Variants in TNRC6C observed in about 807,000 individuals in gnomAD.
TNRC6C encodes trinucleotide repeat-containing gene 6C protein.
TNRC6C carries 20 observed loss-of-function variants against 153.7 expected under a neutral mutation model. The observed-to-expected ratio is 0.13, with a 90% CI of 0.09 to 0.19. The LOEUF (loss-of-function observed/expected upper bound fraction) is 0.19, where lower values mean the gene tolerates loss of function less well. Ranked by LOEUF, TNRC6C falls within the 10% of genes least tolerant of loss-of-function variation. The probability of loss-of-function intolerance (pLI) is 1.00; values close to 1 mark genes in which losing one functional copy is unlikely to be tolerated. For missense variants in TNRC6C, 1,987 were observed against 2,172.0 expected (o/e 0.91, Z 1.69); for synonymous variants, 811 against 841.4 (o/e 0.96, Z 0.63).
rs1472879908 is a variant in TNRC6C at position 78,092,940 on chromosome 17, C to A, written c.3978C>A (p.Ile1326=). The change falls in exon 15 of 20, where the codon ATC becomes ATA. Residue 1326 remains isoleucine (I), a synonymous_variant. Transcript: ENST00000301624. ...TTCCTATTGTCCCCATAGGTGCTATCCCTGGAGGTCTAAGCATTGGGCCTC... is the reference window on the plus strand; with the variant it reads ...TTCCTATTGTCCCCATAGGTGCTATACCTGGAGGTCTAAGCATTGGGCCTC... 3.7e-6 allele frequency: 6 copies of A among 1,613,578 alleles called. No homozygotes were observed. In the African/African-American group the frequency reaches 5.3e-5, roughly 14 times the overall value.
Position 78,060,055 on chromosome 17 carries a change from G to A in TNRC6C, c.2396-4667G>A, listed in dbSNP as rs112133641. 4.2e-4 allele frequency among the ~76,000 whole-genome samples: 64 copies of A among 152,172 alleles called. 1 individual carries two copies. In the East Asian group the frequency reaches 0.01, roughly 24 times the overall value. ...GAAGTTACTGTGCAGCTCAAGGCCC[G>A]TGGTCAGTTTCTAGAAGGGACCCCG... On this transcript the variant is annotated intron_variant, in intron 3 of 19. Coordinates refer to ENST00000301624, the Ensembl canonical transcript of TNRC6C.
intron 3 of TNRC6C, among the ~76,000 whole-genome samples, chr17:78,060,468 C>CTTT (rs975826787): frequency 2.1e-4 from 26 of 125,968 alleles, no homozygotes; most frequent in Non-Finnish European, 3.2e-4. Context: ...AATCGTTTAT[C>CTTT]TTTTTTTTTT....
At chr17:77,964,006 C>T in intron 1 of TNRC6C, among the ~76,000 whole-genome samples, 1 of 152,178 alleles carries the variant, frequency 6.6e-6, no homozygotes, top group Admixed American at 6.5e-5. Flanking sequence ...AACCACTGCC[C>T]TAAGACCCAT....
exon 20 of TNRC6C, chr17:78,106,785 A>G (rs2073705015): frequency 6.6e-6 from 1 of 151,808 alleles, no homozygotes. Flanking sequence ...TAAAAAATAT[A>G]TATATGAACA....
intron 1 of TNRC6C, among the ~76,000 whole-genome samples, chr17:77,976,965 GT>G (rs2071009877): frequency 1.4e-5 from 2 of 140,990 alleles, no homozygotes; most frequent in Non-Finnish European, 3.1e-5. Context: ...AAAAAACTTG[GT>G]TTCCCCTTCA....
intron 14 of TNRC6C, among the ~76,000 whole-genome samples, chr17:78,092,653 G>A (rs893850367): frequency 5.3e-5 from 8 of 152,176 alleles, no homozygotes; most frequent in South Asian, 2.1e-4. Flanking sequence ...GCCAAGGTGG[G>A]AGGATCGCTT....
In TNRC6C at chr17:77,992,497, CAAAAAAAAAAA is replaced by C. The variant is rs1333860215; in HGVS notation, c.-37-11662_-37-11652del. 1.7e-4 allele frequency among the ~76,000 whole-genome samples: 5 copies of C among 29,538 alleles called. 2 individuals are homozygous for C. The highest frequency in any genetic ancestry group is 9.5e-4 in the African/African-American group (3 of 3,170). 19.4% of individuals were successfully genotyped at this position (29,538 alleles called of 152,430 possible). A position where few individuals can be genotyped will look rare whatever the true frequency, so the allele number is the denominator to read the frequency against. On this transcript the variant is annotated intron_variant, in intron 1 of 22. Coordinates refer to the TNRC6C transcript ENST00000636222. ...TGGGCGACAGAGCGAGACTCCGTCT[CAAAAAAAAAAA>C]AAAAAAAAAAGATTAAGCAAAACCA...
At position 78,048,706 on chromosome 17, in the gene TNRC6C, T is replaced by G. The variant is rs540158547; in HGVS notation, c.-218-139T>G. 2.7e-5 allele frequency: 23 copies of G among 849,158 alleles called. No individual in the cohort carries two copies. In the East Asian group the frequency reaches 6.3e-4, roughly 23 times the overall value. 52.6% of individuals were successfully genotyped at this position (849,158 alleles called of 1,614,324 possible). ...CTATTAAGAAGACAAATAGCTTTTT[T>G]CTTTAAGTCATTTTTTTAGTGTTTG... On this transcript the variant is annotated intron_variant, in intron 2 of 19. Coordinates refer to ENST00000301624, the Ensembl canonical transcript of TNRC6C.
intron 15 of TNRC6C, 185 bp downstream of exon 17, chr17:78,093,309 G>T (rs1464565580): frequency 1.3e-6 from 1 of 742,376 alleles, no homozygotes; most frequent in Non-Finnish European, 2.1e-6. Context: ...TTAGCATCAG[G>T]CATTTTTCTG....
At chr17:77,959,117 C>G (rs1215125273), upstream of TNRC6C, 2 of 146,140 alleles carry the variant, frequency 1.4e-5, no homozygotes, top group African/African-American at 5.0e-5. Flanking sequence ...CCGCCCGCGC[C>G]GGGACCTGAG....
chr17:77,992,997 A>G (rs1268139997), intron 1 of TNRC6C, among the ~76,000 whole-genome samples: 1 of 151,670 alleles, frequency 6.6e-6, no homozygotes, highest in Non-Finnish European at 1.5e-5. Context: ...ATGGAGTCTC[A>G]CTCTGTTGCC....
rs752705366 is a variant in TNRC6C, at chr17:78,067,865, A to G, written c.2720A>G (p.Gln907Arg). ...GACGTGTGGAATAATGCTGCTTCCC[A>G]AGAAAGCACCTCCTCCTGCAGCTCC... The change falls in exon 5 of 20, where the codon CAA becomes CGA. Residue 907 changes from glutamine (Q) to arginine (R), a missense_variant. Physicochemically the swap from Gln to Arg is conservative, Grantham distance 43. Around this residue, in one of 4 missense-constraint regions of TNRC6C, gnomAD observed 765 missense variants for 908.6 expected, o/e 0.84. Coordinates refer to ENST00000301624, the Ensembl canonical transcript of TNRC6C. 13 of 1,613,798 alleles carry G rather than the reference A, an allele frequency of 8.1e-6. No homozygotes were observed. In the Admixed American group the frequency reaches 1.2e-4, roughly 14 times the overall value.
At chr17:78,027,922 G>A (rs1009269759) in intron 1 of TNRC6C, among the ~76,000 whole-genome samples, 817 of 72,820 alleles carry the variant, frequency 0.011, 6 homozygotes, top group African/African-American at 0.037. Context: ...TTTTTTTTTT[G>A]AGATGGAGTC....
At chr17:78,081,475 T>C (rs1016896979) in intron 10 of TNRC6C, among the ~76,000 whole-genome samples, 1 of 152,070 alleles carries the variant, frequency 6.6e-6, no homozygotes, top group Admixed American at 6.5e-5. Flanking sequence ...ATAAAAGTTA[T>C]TAGATAATAG....
intron 18 of TNRC6C, chr17:78,102,883 A>G: frequency 3.6e-6 from 1 of 278,738 alleles, no homozygotes; most frequent in Non-Finnish European, 6.8e-6. Context: ...CATGCCTGTA[A>G]TCCCAGCACT....
At chr17:78,102,583 G>C (rs776617298) in intron 18 of TNRC6C, 39 bp downstream of exon 21, 1 of 1,570,620 alleles carries the variant, frequency 6.4e-7, no homozygotes, top group Non-Finnish European at 8.6e-7. Context: ...GCATGATCCA[G>C]GGAGGGTTCC....
chr17:77,987,929 C>G (rs1163428335), intron 1 of TNRC6C, among the ~76,000 whole-genome samples: 1 of 152,100 alleles, frequency 6.6e-6, no homozygotes, highest in African/African-American at 2.4e-5. Flanking sequence ...ATCCGCCCGC[C>G]TTGGCCTCTC....
intron 11 of TNRC6C, among the ~76,000 whole-genome samples, chr17:78,083,749 C>T (rs2073223509): frequency 6.6e-6 from 1 of 152,020 alleles, no homozygotes; most frequent in African/African-American, 2.4e-5. Context: ...CTCATGAAAC[C>T]CCGGTCAAGA....
chr17:78,091,433 T>G lies in TNRC6C; in HGVS notation c.3803-7T>G. On this transcript the variant is annotated splice_region_variant and splice_polypyrimidine_tract_variant and intron_variant, in intron 13 of 19. Coordinates refer to ENST00000301624, the Ensembl canonical transcript of TNRC6C. ...CAGGCGAATCCTAACCGCATCTCTC[T>G]CTTTAGCTGGACTGAACCCAAACAT... The G allele has an allele frequency of 6.3e-7, 1 of 1,581,368 alleles. No individual in the cohort carries two copies. The highest frequency in any genetic ancestry group is 8.6e-7 in the Non-Finnish European group (1 of 1,163,960).
Sources: allele counts gnomAD v4.1 joint callset (sites outside exome capture counted in the v4.1 genomes callset), GRCh38; gene constraint gnomAD v4.1.1; regional missense constraint gnomAD v4.1.1; transcripts MANE v1.5; gene names NCBI Gene and HGNC (gene_info 2026-07-23, HGNC 2026-07-21).